OSBP2: variants seen among roughly 807,000 people sequenced by gnomAD.
The protein encoded by OSBP2 is oxysterol binding protein 2.
In OSBP2, 66 loss-of-function variants were observed where a neutral mutation model predicts 96.0. That is an observed-to-expected ratio of 0.69 (90% CI 0.56 to 0.84). The LOEUF is 0.84. OSBP2 is among the 40% of genes least tolerant of loss of function. OSBP2 has a pLI of 0.00. For synonymous variants in OSBP2, 525 were observed against 520.9 expected, an observed-to-expected ratio of 1.01 and a Z score of -0.11; for missense variants, 1,038 against 1,222.7, an observed-to-expected ratio of 0.85 and a Z score of 2.25.
rs2039860100 is a variant in OSBP2, at chr22:30,888,216, T to A, written c.1301-7T>A. ...GTTACAAATTAAAGCTCTGTCTGTG[T>A]CTCTAGGAAGCCTCTTGACTCCCAA... is the stretch of plus-strand genomic sequence containing the variant. On this transcript the variant is annotated splice_polypyrimidine_tract_variant and splice_region_variant and intron_variant, in intron 4 of 13. Coordinates refer to ENST00000332585, the MANE Select transcript of OSBP2 (RefSeq NM_030758.4). 1 of 1,561,534 alleles carries A rather than the reference T, an allele frequency of 6.4e-7. No homozygotes were observed. The highest frequency in any genetic ancestry group is 8.8e-7 in the Non-Finnish European group (1 of 1,132,472).
At chr22:30,809,604 A>G (rs2090979036) in intron 2 of OSBP2, among the ~76,000 whole-genome samples, 1 of 152,184 alleles carries the variant, frequency 6.6e-6, no homozygotes. Context: ...GAGCCCTACA[A>G]GGCTTAGCTC....
chr22:30,849,473 AT>A (rs1424879452), intron 2 of OSBP2, among the ~76,000 whole-genome samples: 2 of 152,054 alleles, frequency 1.3e-5, no homozygotes, highest in Admixed American at 6.6e-5. Flanking sequence ...TACGGTTTTA[AT>A]TTATATTTCT....
At chr22:30,869,561 G>T (rs75999457) in intron 2 of OSBP2, among the ~76,000 whole-genome samples, 2,069 of 152,300 alleles carry the variant, frequency 0.014, 33 homozygotes, top group African/African-American at 0.043. Flanking sequence ...TTGAAACAAG[G>T]TCTCATTCTG....
rs1312169870 is a variant in OSBP2 at position 30,792,202 on chromosome 22, A to G, written c.853+50833A>G. ...GTGGCACATGCCTGTAATCCCACCT[A>G]CTCAGGAGGCTAAGGCAGGAGAATT... On this transcript the variant is annotated intron_variant, in intron 2 of 13. Transcript: ENST00000332585. 2.6e-5 allele frequency among the ~76,000 whole-genome samples: 4 copies of G among 152,198 alleles called. No individual in the cohort carries two copies. The East Asian group carries it at 7.7e-4, about 29-fold the overall frequency.
intron 1 of OSBP2, among the ~76,000 whole-genome samples, chr22:30,704,327 C>T (rs1474654641): frequency 1.3e-5 from 2 of 152,150 alleles, no homozygotes; most frequent in Non-Finnish European, 2.9e-5. Context: ...TTCCAAGGGT[C>T]CTCTCCCAGT....
chr22:30,766,870 G>A (rs2090277373), intron 2 of OSBP2, among the ~76,000 whole-genome samples: 1 of 152,050 alleles, frequency 6.6e-6, no homozygotes, highest in Non-Finnish European at 1.5e-5. Context: ...ATAGAGGACA[G>A]GACTCTGCAG....
At chr22:30,742,540 A>C (rs1358563993) in intron 2 of OSBP2, among the ~76,000 whole-genome samples, 1 of 152,216 alleles carries the variant, frequency 6.6e-6, no homozygotes, top group Non-Finnish European at 1.5e-5. Context: ...AGGCAGCCAG[A>C]GATACTTGTA....
At chr22:30,820,212 C>G (rs2091130796) in intron 2 of OSBP2, among the ~76,000 whole-genome samples, 1 of 151,942 alleles carries the variant, frequency 6.6e-6, no homozygotes, top group Non-Finnish European at 1.5e-5. Flanking sequence ...AGAACTTCAT[C>G]TCTACAAAAA....
At chr22:30,790,376 C>G (rs1342744302) in intron 2 of OSBP2, among the ~76,000 whole-genome samples, 3 of 152,170 alleles carry the variant, frequency 2.0e-5, no homozygotes, top group South Asian at 2.1e-4. Context: ...GAGGTTTTGG[C>G]CACTCTTCTA....
chr22:30,857,821 C>T (rs2039108936), intron 2 of OSBP2, among the ~76,000 whole-genome samples: 1 of 152,318 alleles, frequency 6.6e-6, no homozygotes, highest in East Asian at 1.9e-4. Context: ...CCCTCATCCC[C>T]TATTCATTTA....
chr22:30,758,123 C>T (rs549076045), intron 2 of OSBP2, among the ~76,000 whole-genome samples: 4 of 152,246 alleles, frequency 2.6e-5, no homozygotes, highest in Admixed American at 2.6e-4. Context: ...TGGACAGGGC[C>T]AGGCACAGTG....
chr22:30,739,269 C>T (rs1310018914), intron 1 of OSBP2, among the ~76,000 whole-genome samples: 1 of 152,216 alleles, frequency 6.6e-6, no homozygotes, highest in African/African-American at 2.4e-5. Context: ...TTTGCCCAGC[C>T]AATGCCTTCA....
chr22:30,698,629 G>A (rs543480620), intron 1 of OSBP2, among the ~76,000 whole-genome samples: 4 of 151,950 alleles, frequency 2.6e-5, no homozygotes, highest in Admixed American at 6.6e-5. Flanking sequence ...TAGTAGAGAC[G>A]GGGTTTCACC....
At chr22:30,854,738 C>G (rs2039046625) in intron 2 of OSBP2, among the ~76,000 whole-genome samples, 1 of 151,160 alleles carries the variant, frequency 6.6e-6, no homozygotes, top group Admixed American at 6.6e-5. Flanking sequence ...GCTTTTCTTT[C>G]AGCTTGAAGA....
At chr22:30,765,145 C>T (rs1014019902) in intron 2 of OSBP2, among the ~76,000 whole-genome samples, 1 of 152,162 alleles carries the variant, frequency 6.6e-6, no homozygotes, top group Non-Finnish European at 1.5e-5. Flanking sequence ...TTTCCTGCCT[C>T]GGCCTCCCAA....
chr22:30,841,166 CAAAAACAA>C, intron 2 of OSBP2, among the ~76,000 whole-genome samples: 1 of 151,188 alleles, frequency 6.6e-6, no homozygotes, highest in African/African-American at 2.4e-5. Flanking sequence ...CTCTGTCTCA[CAAAAACAA>C]AAAAACAAAA....
intron 2 of OSBP2, among the ~76,000 whole-genome samples, chr22:30,755,119 G>A (rs970287290): frequency 1.3e-5 from 2 of 152,166 alleles, no homozygotes; most frequent in Non-Finnish European, 2.9e-5. Flanking sequence ...CCCCCTGTGG[G>A]CACTTCTCAG....
intron 3 of OSBP2, among the ~76,000 whole-genome samples, chr22:30,878,953 G>T (rs910477192): frequency 1.3e-5 from 2 of 152,216 alleles, no homozygotes; most frequent in Non-Finnish European, 2.9e-5. Flanking sequence ...CAGATAGAGT[G>T]GGCACTGGGG....
intron 1 of OSBP2, among the ~76,000 whole-genome samples, chr22:30,695,947 G>C (rs5994334): frequency 0.49 from 74,967 of 151,876 alleles, 19,581 homozygotes; most frequent in African/African-American, 0.6. Context: ...TTGAGGGAGA[G>C]AGTCACCTTG....
Sources: gnomAD v4.1 joint callset for allele counts (sites outside exome capture counted in the v4.1 genomes callset) on GRCh38, gnomAD v4.1.1 for gene constraint, MANE v1.5 for transcripts, NCBI Gene and HGNC (gene_info 2026-07-23, HGNC 2026-07-21) for gene names.